RABEP2: variants seen among roughly 807,000 people sequenced by gnomAD.
RABEP2 encodes the protein rabaptin, RAB GTPase binding effector protein 2.
Under a neutral mutation model 74.1 loss-of-function variants are expected in RABEP2, and 57 were observed. The observed-to-expected ratio is 0.77, with a 90% CI of 0.62 to 0.96. RABEP2 has a LOEUF of 0.96. Among genes scored for constraint, RABEP2 ranks in the 40% least tolerant of loss-of-function variants. RABEP2 has a pLI of 0.00. For synonymous variants in RABEP2, 351 were observed against 344.0 expected, an observed-to-expected ratio of 1.02 and a Z score of -0.23; for missense variants, 692 against 756.3, an observed-to-expected ratio of 0.91 and a Z score of 1.00.
rs1567495697 is a variant in RABEP2 at position 28,908,731 on chromosome 16, G to A, written c.1123C>T (p.His375Tyr). ...ELVTTHKCLH[H>Y]EVKRLNEENQ... ...TCCTCATTCAACCGCTTTACCTCAT[G>A]GTGCAGGCACTTGTGGGTGGTGACC... The change falls in exon 8 of 13, where the codon CAT becomes TAT. Residue 375 changes from histidine (H) to tyrosine (Y), a missense_variant. Coordinates refer to ENST00000358201, the MANE Select transcript of RABEP2 (RefSeq NM_024816.3). 2.5e-6 allele frequency: 4 copies of A among 1,614,172 alleles called. No individual in the cohort carries two copies. Among genetic ancestry groups the A allele is most frequent in the Non-Finnish European group, 3.4e-6 (4 of 1,180,030 alleles).
At chr16:28,925,062 G>A in intron 1 of RABEP2, 41 bp downstream of exon 1, 5 of 1,521,706 alleles carry the variant, frequency 3.3e-6, no homozygotes, top group Non-Finnish European at 4.4e-6. Context: ...CCCGCCCCCA[G>A]CATCACCGTT....
At chr16:28,915,453 A>G (rs1964378841) in intron 3 of RABEP2, among the ~76,000 whole-genome samples, 1 of 152,114 alleles carries the variant, frequency 6.6e-6, no homozygotes, top group South Asian at 2.1e-4. Flanking sequence ...CTTCCTTGCA[A>G]CTAAACAGAT....
chr16:28,908,910 T>C, intron 7 of RABEP2, 146 bp from the exon 8 acceptor site: 1 of 826,744 alleles, frequency 1.2e-6, no homozygotes, highest in Non-Finnish European at 1.8e-6. Context: ...GGAGCACTTT[T>C]TGCTACCAAG....
At chr16:28,923,416 T>C (rs1258775901) in intron 2 of RABEP2, among the ~76,000 whole-genome samples, 1 of 151,364 alleles carries the variant, frequency 6.6e-6, no homozygotes, top group African/African-American at 2.4e-5. Flanking sequence ...GTGAAACTCT[T>C]ATTGACTCAA....
At chr16:28,910,309 G>C (rs1192836239) in intron 7 of RABEP2, 1 of 143,570 alleles carries the variant, frequency 7.0e-6, no homozygotes, top group African/African-American at 2.6e-5. Flanking sequence ...TTTTCTTTGA[G>C]ACAGTTTTGC....
rs2152218736 is a variant in RABEP2, at chr16:28,908,602, A to G, written c.1245+7T>C. On this transcript the variant is annotated splice_region_variant and intron_variant, in intron 8 of 12. Coordinates refer to ENST00000358201, the MANE Select transcript of RABEP2 (RefSeq NM_024816.3). Reference sequence around the variant, plus strand: ...CTCCAGGCTCTCAGTGCCCACACTCAGCTTACTGGCACAGAGCTGGGCAGT... The same window carrying G: ...CTCCAGGCTCTCAGTGCCCACACTCGGCTTACTGGCACAGAGCTGGGCAGT... The G allele has an allele frequency of 6.2e-7, 1 of 1,604,030 alleles. No homozygotes were observed. The highest frequency in any genetic ancestry group is 8.5e-7 in the Non-Finnish European group (1 of 1,174,912).
At chr16:28,924,934 C>A (rs751011130) in intron 1 of RABEP2, 169 bp downstream of exon 1, 54 of 904,854 alleles carry the variant, frequency 6.0e-5, no homozygotes, top group Non-Finnish European at 9.3e-5. Flanking sequence ...CCTTCAATGG[C>A]CGGGCCACGC....
In RABEP2 at chr16:28,904,774, C is replaced by T. The variant is rs997990787; in HGVS notation, c.*169G>A. On this transcript the variant is annotated 3_prime_UTR_variant, in exon 13 of 13. Transcript: ENST00000358201. The stretch of plus-strand genomic sequence containing the variant: ...TCCCTGAGAACAGGAGGCCCAGCCA[C>T]CCTGGGAGGAGGCGCTGGAGGGCGG... The T allele has an allele frequency of 1.4e-5, 9 of 665,310 alleles. No homozygotes were observed. Among genetic ancestry groups the T allele is most frequent in the African/African-American group, 1.3e-4 (7 of 54,972 alleles). 41.2% of individuals were successfully genotyped at this position (665,310 alleles called of 1,614,324 possible).
At chr16:28,914,138 C>G (rs1183768032) in intron 5 of RABEP2, 98 bp downstream of exon 5, 37 of 1,023,558 alleles carry the variant, frequency 3.6e-5, no homozygotes, top group Non-Finnish European at 5.1e-5. Context: ...CCTGTGGAAG[C>G]TCCGGCTCTA....
chr16:28,905,982 T>C, intron 9 of RABEP2, 37 bp downstream of exon 9: 1 of 1,610,704 alleles, frequency 6.2e-7, no homozygotes, highest in South Asian at 1.1e-5. Context: ...ACAGGGGCCC[T>C]GGGCCCGGGG....
Position 28,914,403 on chromosome 16 carries a change from C to A in RABEP2, c.727G>T (p.Val243Phe), listed in dbSNP as rs745787339. The A allele has an allele frequency of 2.5e-6, 4 of 1,613,172 alleles. No individual in the cohort carries two copies. The highest frequency in any genetic ancestry group is 1.3e-5 in the African/African-American group (1 of 74,930). ...SISSFSLGGG[V>F]GSSSSLPQSR... is the part of the protein sequence containing the mutation. ...TGGGGCAGGGAGGAGCTGCTGCCGA[C>A]CCCACCGCCAAGGGAGAAGGAGGAG... The change falls in exon 5 of 13, where the codon GTC (valine) becomes TTC (phenylalanine). Residue 243 changes from valine to phenylalanine, a missense_variant. Val to Phe is a conservative substitution (Grantham distance 50). Transcript: ENST00000358201.
chr16:28,913,226 G>A (rs1475181109), intron 5 of RABEP2, among the ~76,000 whole-genome samples: 2 of 151,266 alleles, frequency 1.3e-5, no homozygotes, highest in Non-Finnish European at 1.5e-5. Context: ...CACCGCGCCC[G>A]GCCTGCCCCG....
intron 11 of RABEP2, 29 bp downstream of exon 11, chr16:28,905,674 TC>T (rs1964215843): frequency 6.2e-7 from 1 of 1,610,862 alleles, no homozygotes; most frequent in Non-Finnish European, 8.5e-7. Flanking sequence ...TGGGTCCCTC[TC>T]CTCCCAGTCC....
chr16:28,921,568 C>A (rs1964468163), intron 2 of RABEP2, among the ~76,000 whole-genome samples: 1 of 150,670 alleles, frequency 6.6e-6, no homozygotes, highest in Non-Finnish European at 1.5e-5. Context: ...GCTCCCAGGG[C>A]CTTGAATGTG....
At chr16:28,920,756 T>C (rs1964459751) in intron 2 of RABEP2, among the ~76,000 whole-genome samples, 1 of 152,150 alleles carries the variant, frequency 6.6e-6, no homozygotes, top group African/African-American at 2.4e-5. Flanking sequence ...GTTTGTTACA[T>C]ATGTATACAT....
intron 2 of RABEP2, among the ~76,000 whole-genome samples, chr16:28,922,229 A>G (rs1964475741): frequency 6.6e-6 from 1 of 152,190 alleles, no homozygotes; most frequent in South Asian, 2.1e-4. Flanking sequence ...GATTTTTGGT[A>G]GAACGTGGTC....
chr16:28,914,216 A>T lies in RABEP2; in HGVS notation c.894+20T>A, dbSNP rs1323433401. The T allele has an allele frequency of 6.4e-7, 1 of 1,559,554 alleles. No homozygotes were observed. Among genetic ancestry groups the T allele is most frequent in the Non-Finnish European group, 8.7e-7 (1 of 1,151,708 alleles). The stretch of plus-strand genomic sequence containing the variant: ...AGAGAGGGGGATGGTACACCCCGCC[A>T]CCCTGCCCACAACACTCACCTCTGT... On this transcript the variant is annotated intron_variant, in intron 5 of 12. Coordinates refer to ENST00000358201, the MANE Select transcript of RABEP2 (RefSeq NM_024816.3).
At chr16:28,921,326 A>C (rs1361018676) in intron 2 of RABEP2, 1 of 436,224 alleles carries the variant, frequency 2.3e-6, no homozygotes, top group Non-Finnish European at 4.6e-6. Flanking sequence ...GGTACAGGAG[A>C]GGACCCTTCC....
At position 28,914,217 on chromosome 16, in the gene RABEP2, C is replaced by T; in HGVS notation, c.894+19G>A. On this transcript the variant is annotated intron_variant, in intron 5 of 12. Coordinates refer to ENST00000358201, the MANE Select transcript of RABEP2 (RefSeq NM_024816.3). ...GAGAGGGGGATGGTACACCCCGCCA[C>T]CCTGCCCACAACACTCACCTCTGTC... 1 of 1,562,834 alleles carries T rather than the reference C, an allele frequency of 6.4e-7. No individual in the cohort carries two copies. Among genetic ancestry groups the T allele is most frequent in the East Asian group, 2.3e-5 (1 of 44,368 alleles).
Sources: allele counts gnomAD v4.1 joint callset (sites outside exome capture counted in the v4.1 genomes callset), GRCh38; gene constraint gnomAD v4.1.1; transcripts MANE v1.5; gene names NCBI Gene and HGNC (gene_info 2026-07-23, HGNC 2026-07-21).